Variants in ANKRD30B observed in about 807,000 individuals in gnomAD.
ANKRD30B encodes the protein ankyrin repeat domain 30B.
In ANKRD30B, 144 loss-of-function variants were observed where a neutral mutation model predicts 202.2. The ratio of observed to expected loss-of-function variants is 0.71; its 90% CI spans 0.62 to 0.82. ANKRD30B has a LOEUF of 0.82. Ranked by LOEUF, ANKRD30B falls within the 40% of genes least tolerant of loss-of-function variation. The probability of loss-of-function intolerance (pLI) is 0.00; values close to 1 mark genes in which losing one functional copy is unlikely to be tolerated. For synonymous variants in ANKRD30B, 508 were observed against 561.3 expected (o/e 0.91, Z 1.34); for missense variants, 1,487 against 1,669.1 (o/e 0.89, Z 1.90).
chr18:14,786,982 T>A, intron 14 of ANKRD30B, 57 bp from the exon 15 acceptor site: 1 of 1,531,730 alleles, frequency 6.5e-7, no homozygotes, highest in Admixed American at 1.9e-5. Context: ...TGTATGTTTT[T>A]AAAATTTATA....
Position 14,760,478 on chromosome 18 carries a change from G to T in ANKRD30B, c.756-76G>T, listed in dbSNP as rs1915074532. 5 of 817,014 alleles carry T rather than the reference G, an allele frequency of 6.1e-6. No homozygotes were observed. In the South Asian group the frequency reaches 6.9e-5, roughly 11 times the overall value. The allele number at this position is 817,014 out of a possible 1,614,324, so 50.6% of individuals were successfully genotyped here. ...TCTGATATTGTCTGAAATACTCTAA[G>T]AACTTAATAAATTTGGTAAATGTTT... On this transcript the variant is annotated intron_variant, in intron 5 of 43. Coordinates refer to ENST00000690538, the MANE Select transcript of ANKRD30B (RefSeq NM_001367607.2).
the ANKRD30B span, among the ~76,000 whole-genome samples, chr18:14,935,768 C>T: frequency 6.6e-6 from 1 of 152,212 alleles, no homozygotes; most frequent in African/African-American, 2.4e-5. Context: ...TATGTGTGCA[C>T]GTGCATGCAC....
rs1969017494 is a variant in ANKRD30B, at chr18:14,797,764, G to A, written c.1957-18G>A. ...GTGTACATTATATATTAATTTTTGT[G>A]TTTCCGAACCCATTTAGCCTACCTG... is the stretch of plus-strand genomic sequence containing the variant. On this transcript the variant is annotated intron_variant, in intron 19 of 43. Coordinates refer to ENST00000690538, the MANE Select transcript of ANKRD30B (RefSeq NM_001367607.2). The A allele has an allele frequency of 6.3e-7, 1 of 1,580,888 alleles. No homozygotes were observed. The highest frequency in any genetic ancestry group is 2.3e-5 in the East Asian group (1 of 42,696).
chr18:14,821,876 C>T (rs1203528428), intron 30 of ANKRD30B, among the ~76,000 whole-genome samples: 2 of 152,078 alleles, frequency 1.3e-5, no homozygotes, highest in Non-Finnish European at 2.9e-5. Flanking sequence ...CACAGAGGTT[C>T]AAAAATAAAT....
chr18:14,773,165 T>A lies in ANKRD30B; in HGVS notation c.1329+937T>A, dbSNP rs183242976. Among the ~76,000 whole-genome samples, 1,064 of 152,300 alleles carry A rather than the reference T, an allele frequency of 7.0e-3. 10 individuals carry two copies. Among genetic ancestry groups the A allele is most frequent in the Middle Eastern group, 0.031 (9 of 294 alleles). ...ATATAGTAAGATTTTAATTTCAGAA[T>A]TTTTAAATTGCAGTTTTTAAATATA... On this transcript the variant is annotated intron_variant, in intron 9 of 43. Coordinates refer to ENST00000690538, the MANE Select transcript of ANKRD30B (RefSeq NM_001367607.2).
At chr18:14,864,511 A>G in the ANKRD30B span, among the ~76,000 whole-genome samples, 8 of 151,468 alleles carry the variant, frequency 5.3e-5, no homozygotes. Context: ...CTACCCCAAA[A>G]CTTTTTCCCC....
At chr18:14,886,882 G>C in the ANKRD30B span, among the ~76,000 whole-genome samples, 77,033 of 151,828 alleles carry the variant, frequency 0.51, 19,720 homozygotes, top group Non-Finnish European at 0.53. Context: ...TACCATTCAT[G>C]CTCTCTCCCA....
At chr18:14,905,079 A>G in the ANKRD30B span, among the ~76,000 whole-genome samples, 1 of 152,214 alleles carries the variant, frequency 6.6e-6, no homozygotes, top group African/African-American at 2.4e-5. Context: ...CACTCCCACT[A>G]GCACCAGGAC....
At chr18:14,754,253 A>G (rs1371953357) in intron 3 of ANKRD30B, among the ~76,000 whole-genome samples, 2 of 152,180 alleles carry the variant, frequency 1.3e-5, no homozygotes, top group Non-Finnish European at 2.9e-5. Context: ...GAGAGTTTGT[A>G]TCACCTACAG....
chr18:14,803,646 T>G (rs1969328683), intron 23 of ANKRD30B, 88 bp from the exon 24 acceptor site: 8 of 1,449,508 alleles, frequency 5.5e-6, no homozygotes, highest in African/African-American at 1.4e-5. Flanking sequence ...AACTGTGTTT[T>G]TAGAAAAGAT....
At chr18:14,907,401 G>C in the ANKRD30B span, among the ~76,000 whole-genome samples, 1 of 152,184 alleles carries the variant, frequency 6.6e-6, no homozygotes. Flanking sequence ...TTGTGCCTGT[G>C]GAATAAGAAA....
the ANKRD30B span, among the ~76,000 whole-genome samples, chr18:14,938,850 A>T: frequency 2.0e-5 from 3 of 152,318 alleles, no homozygotes; most frequent in Admixed American, 2.0e-4. Context: ...TGGATCAGAC[A>T]AAAAAGGGAG....
At chr18:14,836,349 G>A (rs1031713806) in intron 34 of ANKRD30B, among the ~76,000 whole-genome samples, 2 of 152,012 alleles carry the variant, frequency 1.3e-5, no homozygotes, top group African/African-American at 4.8e-5. Context: ...CTAGGAAGTA[G>A]CCATGAAATG....
chr18:14,929,779 A>G, the ANKRD30B span, among the ~76,000 whole-genome samples: 2 of 152,046 alleles, frequency 1.3e-5, no homozygotes, highest in Admixed American at 6.6e-5. Context: ...CAACTACAAG[A>G]TATGTGCATG....
chr18:14,837,281 A>G lies in ANKRD30B; in HGVS notation c.2918A>G (p.Asp973Gly), dbSNP rs1385583023. The change falls in exon 35 of 44, where the codon GAT (aspartate) becomes GGT (glycine). Residue 973 changes from aspartate (D) to glycine (G), a missense_variant. Around this residue, in one of 6 missense-constraint regions of ANKRD30B, gnomAD observed 218 missense variants for 320.1 expected, o/e 0.68. Coordinates refer to ENST00000690538, the MANE Select transcript of ANKRD30B (RefSeq NM_001367607.2). The stretch of plus-strand genomic sequence containing the variant: ...GGCATTATTGAACGAGCTCCACAAG[A>G]TCAAACAAGTAATGACAATTTTATT... ...DIGIIERAPQ[D>G]QTNKMPTSEL... 2 of 1,544,880 alleles carry G rather than the reference A, an allele frequency of 1.3e-6. No homozygotes were observed. The highest frequency in any genetic ancestry group is 2.4e-5 in the South Asian group (2 of 82,040).
chr18:14,794,878 C>A (rs907353973), intron 16 of ANKRD30B, among the ~76,000 whole-genome samples: 2 of 151,956 alleles, frequency 1.3e-5, no homozygotes, highest in Non-Finnish European at 2.9e-5. Context: ...TGAAAAATAA[C>A]AAAGTAGAGA....
intron 34 of ANKRD30B, among the ~76,000 whole-genome samples, chr18:14,833,859 C>T (rs563347954): frequency 5.9e-5 from 9 of 152,186 alleles, no homozygotes; most frequent in Non-Finnish European, 1.2e-4. Flanking sequence ...CCTCCTTCAC[C>T]TTTTAAAAAA....
the ANKRD30B span, among the ~76,000 whole-genome samples, chr18:14,916,392 T>G: frequency 2.0e-5 from 3 of 152,212 alleles, no homozygotes; most frequent in East Asian, 5.8e-4. Flanking sequence ...TACTGAGCCT[T>G]GAGGAGGATA....
At position 14,760,541 on chromosome 18, in the gene ANKRD30B, T is replaced by A. The variant is rs1417147457; in HGVS notation, c.756-13T>A. On this transcript the variant is annotated splice_polypyrimidine_tract_variant and intron_variant, in intron 5 of 43. Transcript: ENST00000690538. ...TAAAATAGTAATTTTATTTATTACA[T>A]TTTTATACATAGCATTCATCAACAA... 1 of 1,354,406 alleles carries A rather than the reference T, an allele frequency of 7.4e-7. No individual in the cohort carries two copies. Among genetic ancestry groups the A allele is most frequent in the Non-Finnish European group, 1.0e-6 (1 of 989,964 alleles). 83.9% of individuals were successfully genotyped at this position (1,354,406 alleles called of 1,614,324 possible).
Sources: gnomAD v4.1 joint callset for allele counts (sites outside exome capture counted in the v4.1 genomes callset) on GRCh38, gnomAD v4.1.1 for gene constraint, gnomAD v4.1.1 regional missense constraint, MANE v1.5 for transcripts, NCBI Gene and HGNC (gene_info 2026-07-23, HGNC 2026-07-21) for gene names.